Variants in PDXDC1 observed in about 807,000 individuals in gnomAD.
PDXDC1 encodes pyridoxal dependent decarboxylase domain containing 1, also known as pyridoxal-dependent decarboxylase domain-containing protein 1.
PDXDC1 carries 42 observed loss-of-function variants against 100.1 expected under a neutral mutation model. That is an observed-to-expected ratio of 0.42 (90% CI 0.33 to 0.54). The LOEUF (loss-of-function observed/expected upper bound fraction) is 0.54, where lower values mean the gene tolerates loss of function less well. Among genes scored for constraint, PDXDC1 ranks in the 20% least tolerant of loss-of-function variants. The pLI, the probability that PDXDC1 is intolerant of heterozygous loss-of-function variation, is 0.10. For synonymous variants in PDXDC1, 260 were observed against 371.7 expected (o/e 0.70, Z 3.46); for missense variants, 636 against 979.2 (o/e 0.65, Z 4.68).
At position 15,110,587 on chromosome 16, in the gene PDXDC1, G is replaced by A. The variant is rs1366015246; in HGVS notation, c.1400-28292G>A. On this transcript the variant is annotated intron_variant, in intron 16 of 16. Coordinates refer to the PDXDC1 transcript ENST00000535621. ...GAAAGGAAGAAACTCTTTTCTTTGT[G>A]TGCATACAAATGGACTTCAGCCCTT... 2.0e-5 allele frequency: 31 copies of A among 1,583,986 alleles called. 3 individuals carry two copies. The highest frequency in any genetic ancestry group is 2.5e-5 in the Non-Finnish European group (29 of 1,169,478).
intron 16 of PDXDC1, among the ~76,000 whole-genome samples, chr16:15,070,856 C>T (rs2045193549): frequency 6.6e-6 from 1 of 152,142 alleles, no homozygotes; most frequent in South Asian, 2.1e-4. Context: ...GTATACAACA[C>T]TGTCCTCTAT....
In PDXDC1 at chr16:15,001,814, A is replaced by ATC. The variant is rs1299115069; in HGVS notation, c.203_204dup (p.Met69SerfsTer43). ...GTGAGCATCCTCCAGTTAGTTCAGA[A>ATC]TCTCATGCATGGAGATGAAGATGAG... On this transcript the variant is annotated frameshift_variant, in exon 4 of 23. Transcript: ENST00000396410. LOFTEE classifies it high-confidence loss of function. 2 of 1,611,496 alleles carry ATC rather than the reference A, an allele frequency of 1.2e-6. No individual in the cohort carries two copies. Among genetic ancestry groups the ATC allele is most frequent in the Non-Finnish European group, 8.5e-7 (1 of 1,179,882 alleles).
At chr16:15,131,516 C>T in intron 16 of PDXDC1, 1 of 1,609,034 alleles carries the variant, frequency 6.2e-7, no homozygotes, top group Non-Finnish European at 8.5e-7. Context: ...GAGCGCTTGC[C>T]CTGGGCCACG....
intron 1 of PDXDC1, chr16:14,975,645 T>G (rs1966709379): frequency 1.0e-6 from 1 of 985,514 alleles, no homozygotes; most frequent in Admixed American, 6.1e-5. Flanking sequence ...AGGTTTTTCT[T>G]GGTCTCCGAG....
intron 16 of PDXDC1, among the ~76,000 whole-genome samples, chr16:15,096,401 G>T (rs1173982061): frequency 1.3e-5 from 2 of 152,090 alleles, no homozygotes; most frequent in Non-Finnish European, 2.9e-5. Context: ...GAGCCACCAC[G>T]CCCCGCCAGC....
chr16:15,042,899 ATTT>A (rs1193801850), downstream of PDXDC1, among the ~76,000 whole-genome samples: 3 of 121,482 alleles, frequency 2.5e-5, no homozygotes, highest in Admixed American at 8.7e-5. Flanking sequence ...TGCCCAGCTA[ATTT>A]TTTTTTTTTT....
chr16:15,038,341 G>C (rs1447317953), downstream of PDXDC1: 8 of 682,594 alleles, frequency 1.2e-5, no homozygotes, highest in Non-Finnish European at 1.9e-5. Flanking sequence ...GAGGTGGCCT[G>C]AATTAGTAAG....
intron 16 of PDXDC1, chr16:15,083,796 A>C (rs1597974153): frequency 2.2e-6 from 1 of 462,862 alleles, no homozygotes; most frequent in Non-Finnish European, 3.9e-6. Context: ...AGCTCACTGC[A>C]ACCTCCGCCT....
chr16:15,007,219 G>A (rs1273756084), intron 6 of PDXDC1, among the ~76,000 whole-genome samples: 30 of 143,172 alleles, frequency 2.1e-4, no homozygotes, highest in African/African-American at 2.8e-4. Flanking sequence ...CGCCCAGGCC[G>A]GAGTGCAGTG....
intron 16 of PDXDC1, among the ~76,000 whole-genome samples, chr16:15,073,365 A>AT (rs2045318862): frequency 1.3e-5 from 2 of 152,172 alleles, no homozygotes; most frequent in Non-Finnish European, 2.9e-5. Context: ...GCTGAGGCGG[A>AT]TGAACCGCTT....
intron 16 of PDXDC1, chr16:15,063,244 T>C (rs1327060628): frequency 4.3e-6 from 7 of 1,613,546 alleles, no homozygotes; most frequent in Non-Finnish European, 5.9e-6. Flanking sequence ...CACTCATGTC[T>C]TCCCACACCT....
chr16:15,101,386 G>A (rs549204194), intron 16 of PDXDC1, among the ~76,000 whole-genome samples: 4 of 152,066 alleles, frequency 2.6e-5, no homozygotes, highest in African/African-American at 9.7e-5. Flanking sequence ...GCACGATCTC[G>A]GCTCACTGCA....
At chr16:15,011,636 T>TTG (rs2041290594) in intron 8 of PDXDC1, among the ~76,000 whole-genome samples, 3 of 112,754 alleles carry the variant, frequency 2.7e-5, no homozygotes, top group African/African-American at 9.9e-5. Context: ...TTTTTCTTTT[T>TTG]TTTTTTTTTT....
Position 15,123,308 on chromosome 16 carries a change from C to A in PDXDC1, c.1400-15571C>A, listed in dbSNP as rs140634751. The A allele has an allele frequency of 1.5e-3, 2,176 of 1,433,524 alleles. 34 individuals are homozygous for A. In the African/African-American group the frequency reaches 0.028, roughly 19 times the overall value. 88.8% of individuals were successfully genotyped at this position (1,433,524 alleles called of 1,614,324 possible). A position where few individuals can be genotyped will look rare whatever the true frequency, so the allele number is the denominator to read the frequency against. ...TCACAAACCTGATTTCTGGTCCACC[C>A]CAACCAGCTCCCTGTCCCTGCTTCT... On this transcript the variant is annotated intron_variant, in intron 16 of 16. Transcript: ENST00000535621.
chr16:15,063,370 T>C, intron 16 of PDXDC1: 2 of 975,528 alleles, frequency 2.1e-6, no homozygotes, highest in South Asian at 2.6e-5. Flanking sequence ...CAAGATCTAT[T>C]ACCCAAAACC....
At chr16:15,146,659 C>G in the PDXDC1 span, among the ~76,000 whole-genome samples, 3 of 152,298 alleles carry the variant, frequency 2.0e-5, no homozygotes, top group South Asian at 2.1e-4. Flanking sequence ...GCACTGGCTC[C>G]CGTCGTCCAG....
intron 16 of PDXDC1, among the ~76,000 whole-genome samples, chr16:15,090,959 G>A (rs539674428): frequency 9.4e-5 from 14 of 149,540 alleles, no homozygotes; most frequent in African/African-American, 3.2e-4. Flanking sequence ...TAATCTAATA[G>A]AAAGGAAGCA....
chr16:15,098,051 A>G (rs1309616742), intron 16 of PDXDC1, among the ~76,000 whole-genome samples: 3 of 140,450 alleles, frequency 2.1e-5, no homozygotes, highest in Non-Finnish European at 4.5e-5. Flanking sequence ...TGCTGAGATT[A>G]TAGGCATGAG....
intron 1 of PDXDC1, among the ~76,000 whole-genome samples, chr16:14,985,962 G>T (rs1484044477): frequency 1.3e-5 from 2 of 152,260 alleles, no homozygotes; most frequent in African/African-American, 4.8e-5. Context: ...TTAGCTAAGT[G>T]TGGTGGCATG....
Sources: allele counts gnomAD v4.1 joint callset (sites outside exome capture counted in the v4.1 genomes callset), GRCh38; gene constraint gnomAD v4.1.1; transcripts MANE v1.5; gene names NCBI Gene and HGNC (gene_info 2026-07-23, HGNC 2026-07-21).